LMX1A: variants seen among roughly 807,000 people sequenced by gnomAD.
LMX1A encodes the protein LIM homeobox transcription factor 1-alpha.
In LMX1A, 15 loss-of-function variants were observed where a neutral mutation model predicts 49.1. The ratio of observed to expected loss-of-function variants is 0.31; its 90% confidence interval spans 0.20 to 0.47. The LOEUF is 0.47. Among genes scored for constraint, LMX1A ranks in the 20% least tolerant of loss-of-function variants. LMX1A has a pLI of 1.00. For synonymous variants in LMX1A, 167 were observed against 185.7 expected (o/e 0.90, Z 0.82); for missense variants, 372 against 475.8 (o/e 0.78, Z 2.03).
chr1:165,256,600 CA>C (rs1220231306), intron 3 of LMX1A, among the ~76,000 whole-genome samples: 2 of 151,968 alleles, frequency 1.3e-5, no homozygotes, highest in African/African-American at 4.8e-5. Flanking sequence ...CAGCTAAAGC[CA>C]AAAGACATGA....
chr1:165,336,250 C>T (rs1655894750), intron 3 of LMX1A, among the ~76,000 whole-genome samples: 1 of 152,154 alleles, frequency 6.6e-6, no homozygotes, highest in Non-Finnish European at 1.5e-5. Flanking sequence ...GTCCTTCCTT[C>T]TCACAGTGTT....
Position 165,354,928 on chromosome 1 carries a change from A to G in LMX1A, c.76+556T>C, listed in dbSNP as rs1377968246. On this transcript the variant is annotated intron_variant, in intron 2 of 8. Transcript: ENST00000342310. ...GGAGTTGTGAGGGGGGACCCACAGGACCCGACATCCAGCTCCAGTTAATTA... is the reference window on the plus strand; with the variant it reads ...GGAGTTGTGAGGGGGGACCCACAGGGCCCGACATCCAGCTCCAGTTAATTA... 3.9e-5 allele frequency among the ~76,000 whole-genome samples: 6 copies of G among 151,976 alleles called. No individual in the cohort carries two copies. In the East Asian group the frequency reaches 1.2e-3, roughly 30 times the overall value.
chr1:165,345,188 C>T (rs1214929875), intron 3 of LMX1A, among the ~76,000 whole-genome samples: 3 of 152,040 alleles, frequency 2.0e-5, no homozygotes, highest in African/African-American at 4.8e-5. Context: ...TGTTTTGTTT[C>T]GAAAAGTCCT....
intron 3 of LMX1A, among the ~76,000 whole-genome samples, chr1:165,291,354 C>T (rs2101715368): frequency 6.6e-6 from 1 of 152,314 alleles, no homozygotes; most frequent in South Asian, 2.1e-4. Context: ...CAGCAGATAC[C>T]TGTACCTGGC....
chr1:165,223,885 A>T (rs1383632041), intron 4 of LMX1A, among the ~76,000 whole-genome samples: 1 of 152,044 alleles, frequency 6.6e-6, no homozygotes, highest in Non-Finnish European at 1.5e-5. Flanking sequence ...GCAGTATAAC[A>T]GAGTGACTAA....
At chr1:165,300,778 T>C (rs974584678) in intron 3 of LMX1A, among the ~76,000 whole-genome samples, 1 of 152,228 alleles carries the variant, frequency 6.6e-6, no homozygotes, top group Non-Finnish European at 1.5e-5. Flanking sequence ...AGCACTTGCA[T>C]ATAATATTGT....
At chr1:165,214,184 C>T (rs1017372203) in intron 4 of LMX1A, among the ~76,000 whole-genome samples, 1 of 152,118 alleles carries the variant, frequency 6.6e-6, no homozygotes, top group Middle Eastern at 3.2e-3. Flanking sequence ...GGGGCGGTTT[C>T]CCCCATGCTG....
At chr1:165,225,881 G>C (rs1179085662) in intron 4 of LMX1A, among the ~76,000 whole-genome samples, 1 of 152,206 alleles carries the variant, frequency 6.6e-6, no homozygotes, top group Non-Finnish European at 1.5e-5. Context: ...AAGGAGATTG[G>C]GTAAGAGCTT....
chr1:165,317,871 T>C (rs1193873845), intron 3 of LMX1A, among the ~76,000 whole-genome samples: 1 of 152,240 alleles, frequency 6.6e-6, no homozygotes, highest in Non-Finnish European at 1.5e-5. Flanking sequence ...ATTTATGCTG[T>C]ATAAATTCAG....
intron 4 of LMX1A, among the ~76,000 whole-genome samples, chr1:165,244,877 C>T (rs1652787552): frequency 6.6e-6 from 1 of 150,722 alleles, no homozygotes; most frequent in South Asian, 2.1e-4. Context: ...AAAAAATCAT[C>T]TGACTCTGGC....
intron 3 of LMX1A, among the ~76,000 whole-genome samples, chr1:165,297,342 T>C (rs1645107025): frequency 6.6e-6 from 1 of 152,238 alleles, no homozygotes; most frequent in Admixed American, 6.5e-5. Context: ...GTAATTGGTC[T>C]AGGCAGGGGC....
intron 3 of LMX1A, among the ~76,000 whole-genome samples, chr1:165,344,982 G>A (rs1557891436): frequency 1.3e-5 from 2 of 152,182 alleles, no homozygotes; most frequent in Admixed American, 1.3e-4. Context: ...GACATATTCG[G>A]ACCCTCCTGC....
At chr1:165,336,528 A>G (rs1423442607) in intron 3 of LMX1A, among the ~76,000 whole-genome samples, 1 of 152,188 alleles carries the variant, frequency 6.6e-6, no homozygotes, top group African/African-American at 2.4e-5. Context: ...TAATGGTGCT[A>G]AGAAGCAGAA....
rs1654726960 is a variant in LMX1A, at chr1:165,299,850, G to C, written c.264-50210C>G. On this transcript the variant is annotated intron_variant, in intron 3 of 8. Coordinates refer to ENST00000342310, the MANE Select transcript of LMX1A (RefSeq NM_177398.4). ...AGCAACCTGCAAGAGGTGGCAGTTA[G>C]TTCTTCCTGACCCCTTACTTTATCT... Among the ~76,000 whole-genome samples, 3 of 150,534 alleles carry C rather than the reference G, an allele frequency of 2.0e-5. No individual in the cohort carries two copies. The South Asian group carries it at 6.4e-4, about 32-fold the overall frequency.
intron 7 of LMX1A, chr1:165,207,502 T>A (rs1651140441): frequency 2.0e-5 from 3 of 152,222 alleles, no homozygotes; most frequent in African/African-American, 4.8e-5. Flanking sequence ...CCACATTCAA[T>A]CTTGCAGAGC....
chr1:165,261,397 T>G (rs1014443549), intron 3 of LMX1A, among the ~76,000 whole-genome samples: 13 of 152,038 alleles, frequency 8.6e-5, no homozygotes, highest in Non-Finnish European at 1.8e-4. Flanking sequence ...AAATAACAGG[T>G]GTTGGATGTA....
At chr1:165,323,606 A>C (rs1226960792) in intron 3 of LMX1A, among the ~76,000 whole-genome samples, 1 of 152,236 alleles carries the variant, frequency 6.6e-6, no homozygotes, top group Non-Finnish European at 1.5e-5. Flanking sequence ...CTCTAGCAGC[A>C]CACATGGTAA....
chr1:165,310,391 G>A (rs1655042543), intron 3 of LMX1A, among the ~76,000 whole-genome samples: 1 of 152,170 alleles, frequency 6.6e-6, no homozygotes, highest in South Asian at 2.1e-4. Context: ...TTCTTTGTCT[G>A]TTTTCTTTGT....
chr1:165,250,073 G>A (rs1195135032), intron 3 of LMX1A, among the ~76,000 whole-genome samples: 1 of 151,672 alleles, frequency 6.6e-6, no homozygotes, highest in African/African-American at 2.4e-5. Context: ...TCTGGGGCCT[G>A]TCAGGGGGTG....
Sources: allele counts gnomAD v4.1 joint callset (sites outside exome capture counted in the v4.1 genomes callset), GRCh38; gene constraint gnomAD v4.1.1; transcripts MANE v1.5; gene names NCBI Gene and HGNC (gene_info 2026-07-23, HGNC 2026-07-21).